POFUT3: variants seen among roughly 807,000 people sequenced by gnomAD.
The protein encoded by POFUT3 is GDP-fucose protein O-fucosyltransferase 3.
At chr8:33,318,390 TG>T in the POFUT3 span, among the ~76,000 whole-genome samples, 1 of 146,764 alleles carries the variant, frequency 6.8e-6, no homozygotes, top group African/African-American at 2.5e-5. Context: ...GGGAAAAGAG[TG>T]AGGGGAAGGC....
the POFUT3 span, among the ~76,000 whole-genome samples, chr8:33,435,833 A>G: frequency 6.7e-6 from 1 of 149,104 alleles, no homozygotes; most frequent in Admixed American, 6.6e-5. Context: ...GTTTTTATAT[A>G]TTTTTTTTCA....
chr8:33,467,373 A>G, the POFUT3 span, among the ~76,000 whole-genome samples: 1 of 152,020 alleles, frequency 6.6e-6, no homozygotes, highest in Non-Finnish European at 1.5e-5. Context: ...TAAATTCCAG[A>G]CACATACTGA....
chr8:33,410,833 G>A, the POFUT3 span, among the ~76,000 whole-genome samples: 2 of 152,154 alleles, frequency 1.3e-5, no homozygotes, highest in African/African-American at 4.8e-5. Context: ...AAACAGCAGA[G>A]CCACTTCTCT....
chr8:33,429,342 A>T, the POFUT3 span, among the ~76,000 whole-genome samples: 1 of 152,126 alleles, frequency 6.6e-6, no homozygotes, highest in Non-Finnish European at 1.5e-5. Flanking sequence ...CCTGCCAAAA[A>T]AAGTCACTAT....
the POFUT3 span, among the ~76,000 whole-genome samples, chr8:33,463,187 C>T: frequency 6.6e-6 from 1 of 151,920 alleles, no homozygotes; most frequent in Non-Finnish European, 1.5e-5. Context: ...AATATAGAAT[C>T]CTGGTTAAAA....
chr8:33,447,474 C>A, the POFUT3 span, among the ~76,000 whole-genome samples: 2 of 151,624 alleles, frequency 1.3e-5, no homozygotes, highest in Non-Finnish European at 1.5e-5. Context: ...AAACTTTATT[C>A]TTTTCCTCCT....
chr8:33,356,482 G>T, the POFUT3 span, among the ~76,000 whole-genome samples: 4 of 151,884 alleles, frequency 2.6e-5, no homozygotes, highest in Non-Finnish European at 5.9e-5. Flanking sequence ...TTTGAGAAGT[G>T]TCTGTTCATG....
the POFUT3 span, among the ~76,000 whole-genome samples, chr8:33,318,382 GAA>G: frequency 6.7e-6 from 1 of 148,222 alleles, no homozygotes; most frequent in South Asian, 2.1e-4. Context: ...CACAAAAAGG[GAA>G]AAGAGTGAGG....
At chr8:33,451,700 T>C in the POFUT3 span, 8 of 152,096 alleles carry the variant, frequency 5.3e-5, no homozygotes, top group African/African-American at 1.7e-4. Flanking sequence ...CATACTGCTA[T>C]GAAGAAATAC....
chr8:33,369,760 T>C, the POFUT3 span, among the ~76,000 whole-genome samples: 3 of 152,220 alleles, frequency 2.0e-5, no homozygotes, highest in Non-Finnish European at 4.4e-5. Context: ...TTTTTGCTTA[T>C]GTCTCTTATT....
At chr8:33,460,765 G>A in the POFUT3 span, 18 of 985,018 alleles carry the variant, frequency 1.8e-5, no homozygotes, top group Non-Finnish European at 2.0e-5. Context: ...CTAAACCTCA[G>A]TTTCACCTGT....
At chr8:33,355,666 T>A in the POFUT3 span, among the ~76,000 whole-genome samples, 61 of 152,282 alleles carry the variant, frequency 4.0e-4, no homozygotes, top group Middle Eastern at 6.8e-3. Context: ...CATTTATTTT[T>A]TTTTTGGTTT....
chr8:33,399,447 T>C, the POFUT3 span, among the ~76,000 whole-genome samples: 1 of 152,162 alleles, frequency 6.6e-6, no homozygotes, highest in Non-Finnish European at 1.5e-5. Flanking sequence ...ATAATATAAC[T>C]GTAAGTGGAC....
the POFUT3 span, among the ~76,000 whole-genome samples, chr8:33,358,686 T>G: frequency 1.3e-5 from 2 of 152,130 alleles, no homozygotes; most frequent in Admixed American, 6.5e-5. Context: ...GGAGCTCTCA[T>G]GAATGGGATT....
the POFUT3 span, among the ~76,000 whole-genome samples, chr8:33,415,464 A>G: frequency 6.6e-6 from 1 of 152,124 alleles, no homozygotes; most frequent in Non-Finnish European, 1.5e-5. Context: ...GACAGGGACT[A>G]TGAAGGAGGG....
At chr8:33,373,846 G>A in the POFUT3 span, among the ~76,000 whole-genome samples, 2 of 152,140 alleles carry the variant, frequency 1.3e-5, no homozygotes, top group East Asian at 3.8e-4. Context: ...GGGCAGAAGA[G>A]TAACAAAACA....
At chr8:33,427,105 T>C in the POFUT3 span, among the ~76,000 whole-genome samples, 1 of 152,192 alleles carries the variant, frequency 6.6e-6, no homozygotes, top group South Asian at 2.1e-4. Context: ...GCCCAGGCTT[T>C]GGCCCAGGTG....
At chr8:33,443,371 C>T in the POFUT3 span, among the ~76,000 whole-genome samples, 2 of 152,218 alleles carry the variant, frequency 1.3e-5, no homozygotes, top group East Asian at 1.9e-4. Flanking sequence ...TGCTTCATCC[C>T]TACTCCCGAT....
the POFUT3 span, among the ~76,000 whole-genome samples, chr8:33,330,384 C>T: frequency 1.2e-3 from 187 of 152,220 alleles, 1 homozygote; most frequent in African/African-American, 4.3e-3. Context: ...GCGGAGTTTG[C>T]AGTGAGCCGA....
Sources: gnomAD v4.1 joint callset for allele counts (sites outside exome capture counted in the v4.1 genomes callset) on GRCh38, gnomAD v4.1.1 for gene constraint, MANE v1.5 for transcripts, NCBI Gene and HGNC (gene_info 2026-07-23, HGNC 2026-07-21) for gene names.